ABR: variants seen among roughly 807,000 people sequenced by gnomAD.
The protein encoded by ABR is ABR activator of RhoGEF and GTPase, also known as active breakpoint cluster region-related protein.
Under a neutral mutation model 107.2 loss-of-function variants are expected in ABR, and 35 were observed. The ratio of observed to expected loss-of-function variants is 0.33; its 90% CI spans 0.25 to 0.43. The LOEUF is 0.43. ABR is among the 20% of genes least tolerant of loss of function. The pLI, the probability that ABR is intolerant of heterozygous loss-of-function variation, is 1.00. For synonymous variants in ABR, 498 were observed against 462.0 expected, an observed-to-expected ratio of 1.08 and a Z score of -1.00; for missense variants, 815 against 1,115.2, an observed-to-expected ratio of 0.73 and a Z score of 3.83.
intron 1 of ABR, among the ~76,000 whole-genome samples, chr17:1,166,857 C>G (rs765119560): frequency 1.3e-5 from 2 of 152,112 alleles, no homozygotes; most frequent in Non-Finnish European, 2.9e-5. Context: ...GAAACATTAG[C>G]TGGGCATGGT....
upstream of ABR, among the ~76,000 whole-genome samples, chr17:1,188,084 G>A (rs117633772): frequency 9.1e-3 from 1,384 of 152,046 alleles, 4 homozygotes; most frequent in Non-Finnish European, 0.014. Flanking sequence ...ACATGGTGGC[G>A]GGCATCTGTA....
At position 1,229,710 on chromosome 17, in the gene ABR, C is replaced by A. The variant is rs1054971282; in HGVS notation, c.-80G>T. Among the ~76,000 whole-genome samples the A allele has an allele frequency of 2.0e-5, 3 of 152,084 alleles. No individual in the cohort carries two copies. The East Asian group carries it at 5.8e-4, about 29-fold the overall frequency. On this transcript the variant is annotated 5_prime_UTR_variant, in exon 1 of 23. Coordinates refer to the ABR transcript ENST00000574139. ...GGAAAGTCAAGTGTCCCCTTCCGCC[C>A]TCGCGCCTCCTCCCCGTCTTCTTCC...
rs957804768 is a variant in ABR at position 1,110,229 on chromosome 17, G to C, written c.247-9494C>G. ...AGTGAGGCCACATTCTGGTCCCCCT[G>C]GCCCTAGTTCCCAGATGCACATACA... On this transcript the variant is annotated intron_variant, in intron 2 of 22. Coordinates refer to ENST00000302538, the MANE Select transcript of ABR (RefSeq NM_021962.5). Among the ~76,000 whole-genome samples the C allele has an allele frequency of 3.9e-5, 6 of 151,916 alleles. 1 individual carries two copies. Among genetic ancestry groups the C allele is most frequent in the African/African-American group, 1.5e-4 (6 of 41,372 alleles).
At position 1,006,124 on chromosome 17, in the gene ABR, C is replaced by T. The variant is rs757511977; in HGVS notation, c.2536G>A (p.Ala846Thr). ...TACAGTGTGTTCCGCTTGAGTTCTG[C>T]GAAGGAAATGGGGGGGTGCTGCAGG... ...YYLQHPPISF[A>T]ELKRNTLYFS... The change falls in exon 23 of 23, where the codon GCA (alanine) becomes ACA (threonine). Residue 846 changes from alanine (A) to threonine (T), a missense_variant. By Grantham distance (58) the Ala-to-Thr change is moderately conservative. Around this residue, in one of 5 missense-constraint regions of ABR, gnomAD observed 34 missense variants for 26.8 expected, o/e 1.27. Coordinates refer to ENST00000302538, the MANE Select transcript of ABR (RefSeq NM_021962.5). The T allele has an allele frequency of 1.0e-5, 16 of 1,588,426 alleles. No individual in the cohort carries two copies. Among genetic ancestry groups the T allele is most frequent in the East Asian group, 6.9e-5 (3 of 43,760 alleles).
At position 1,157,996 on chromosome 17, in the gene ABR, C is replaced by T. The variant is rs118185551; in HGVS notation, c.61+21671G>A. 0.013 allele frequency among the ~76,000 whole-genome samples: 1,960 copies of T among 152,240 alleles called. 22 individuals carry two copies. The highest frequency in any genetic ancestry group is 0.019 in the Non-Finnish European group (1,303 of 68,002). On this transcript the variant is annotated intron_variant, in intron 1 of 22. Coordinates refer to ENST00000302538, the MANE Select transcript of ABR (RefSeq NM_021962.5). The surrounding 1 kb of genome is among the most constrained non-coding windows in gnomAD (Gnocchi z 4.7). ...GGGTATATGTGTGTGTGCAGATGTA[C>T]GTATGTGTGTCGCGTTGCAGCATGA... is the stretch of plus-strand genomic sequence containing the variant.
chr17:1,088,015 G>A (rs1487059225), intron 4 of ABR, among the ~76,000 whole-genome samples: 1 of 152,214 alleles, frequency 6.6e-6, no homozygotes, highest in Admixed American at 6.5e-5. Context: ...CCTTCTCTCA[G>A]TAACGAATAA....
At chr17:1,189,442 G>A (rs983028379), upstream of ABR, among the ~76,000 whole-genome samples, 1 of 148,802 alleles carries the variant, frequency 6.7e-6, no homozygotes, top group Non-Finnish European at 1.5e-5. Flanking sequence ...CTCCGCCTCC[G>A]AGTTCAAGTG....
intron 2 of ABR, chr17:1,108,966 C>T: frequency 6.3e-7 from 1 of 1,596,974 alleles, no homozygotes; most frequent in Non-Finnish European, 8.5e-7. Flanking sequence ...GACCCTGAGC[C>T]GGGGCTGGTC....
intron 1 of ABR, among the ~76,000 whole-genome samples, chr17:1,158,636 A>G (rs1165676660): frequency 2.0e-5 from 3 of 151,732 alleles, no homozygotes; most frequent in Non-Finnish European, 2.9e-5. Context: ...GATGGTGGGC[A>G]CCTGTAGTCC....
chr17:1,173,330 C>T (rs1412279162), intron 1 of ABR, among the ~76,000 whole-genome samples: 7 of 126,566 alleles, frequency 5.5e-5, no homozygotes, highest in Admixed American at 4.0e-4. Flanking sequence ...CTCAGCCCAC[C>T]CAACACATCA....
chr17:1,045,422 AATCTTCC>A (rs2031430219), intron 16 of ABR, among the ~76,000 whole-genome samples: 1 of 151,134 alleles, frequency 6.6e-6, no homozygotes, highest in Non-Finnish European at 1.5e-5. Flanking sequence ...ACAGCAGGAC[AATCTTCC>A]GTCTTCTTAC....
chr17:1,186,400 C>T (rs2042297314), intron 1 of ABR, among the ~76,000 whole-genome samples: 1 of 152,228 alleles, frequency 6.6e-6, no homozygotes, highest in Non-Finnish European at 1.5e-5. Flanking sequence ...ATGGGAAGAC[C>T]TGCTGCCCTG....
intron 1 of ABR, among the ~76,000 whole-genome samples, chr17:1,221,849 G>C (rs1375020074): frequency 6.6e-6 from 1 of 152,216 alleles, no homozygotes; most frequent in East Asian, 1.9e-4. Flanking sequence ...GACCTGGAAA[G>C]GTTGTCTTCC....
chr17:1,138,731 G>A (rs2040178556), intron 1 of ABR, among the ~76,000 whole-genome samples: 2 of 152,162 alleles, frequency 1.3e-5, no homozygotes, highest in Middle Eastern at 3.2e-3. Context: ...CTCCACTTTG[G>A]CCTCCCAAAG....
intron 2 of ABR, among the ~76,000 whole-genome samples, chr17:1,117,711 T>A (rs1350235995): frequency 1.5e-5 from 1 of 64,892 alleles, no homozygotes; most frequent in Non-Finnish European, 3.0e-5. Flanking sequence ...CCCAGCGTTA[T>A]CCCTGAGCCT....
intron 1 of ABR, among the ~76,000 whole-genome samples, chr17:1,146,709 AC>A (rs1277623749): frequency 1.4e-5 from 2 of 138,976 alleles, no homozygotes; most frequent in Non-Finnish European, 3.1e-5. Flanking sequence ...CCATGCCACC[AC>A]TGCCACTACT....
intron 2 of ABR, among the ~76,000 whole-genome samples, chr17:1,103,192 T>C (rs2038020872): frequency 6.6e-6 from 1 of 151,996 alleles, no homozygotes; most frequent in Admixed American, 6.6e-5. Context: ...ATCTTTGTGG[T>C]TCAATTCACC....
chr17:1,162,908 A>G (rs370337060), intron 1 of ABR, among the ~76,000 whole-genome samples: 1 of 152,058 alleles, frequency 6.6e-6, no homozygotes, highest in East Asian at 1.9e-4. Flanking sequence ...CCCGTCTCTA[A>G]TAAAAATACA....
chr17:1,088,092 C>T (rs1052758374), intron 4 of ABR, among the ~76,000 whole-genome samples: 2 of 152,206 alleles, frequency 1.3e-5, no homozygotes, highest in African/African-American at 4.8e-5. Context: ...CCGGCTCCCC[C>T]CGGGCCCTCC....
Sources: allele counts gnomAD v4.1 joint callset (sites outside exome capture counted in the v4.1 genomes callset), GRCh38; gene constraint gnomAD v4.1.1; regional missense constraint gnomAD v4.1.1; non-coding constraint Gnocchi (gnomAD v3.1); transcripts MANE v1.5; gene names NCBI Gene and HGNC (gene_info 2026-07-23, HGNC 2026-07-21).